Variants in SPATA13 observed in about 807,000 individuals in gnomAD.
The protein encoded by SPATA13 is spermatogenesis associated 13.
In SPATA13, 50 loss-of-function variants were observed where a neutral mutation model predicts 104.0. The observed-to-expected ratio is 0.48, with a 90% CI of 0.38 to 0.61. The LOEUF (loss-of-function observed/expected upper bound fraction) is 0.61. Among genes scored for constraint, SPATA13 ranks in the 20% least tolerant of loss-of-function variants. The pLI is 0.00. For missense variants in SPATA13, 1,524 were observed against 1,690.6 expected (o/e 0.90, Z 1.73); for synonymous variants, 606 against 667.5 (o/e 0.91, Z 1.42).
intron 1 of SPATA13, among the ~76,000 whole-genome samples, chr13:24,179,109 C>T (rs1868623876): frequency 6.6e-6 from 1 of 152,146 alleles, no homozygotes; most frequent in Non-Finnish European, 1.5e-5. Flanking sequence ...ATCAGTATTT[C>T]CTTTCTTTTC....
At chr13:24,214,137 C>T (rs1430025381) in intron 1 of SPATA13, among the ~76,000 whole-genome samples, 1 of 152,230 alleles carries the variant, frequency 6.6e-6, no homozygotes, top group Admixed American at 6.5e-5. Context: ...TTTGAGGCAG[C>T]AGGATGACTG....
rs534848376 is a variant in SPATA13, at chr13:24,223,347, T to G, written c.418T>G (p.Ser140Ala). ...AAATGCCTGTTCAAAGGGAGAGGCT[T>G]CGGAGCATGGCCTGGGAAAGTCCAT... ...GSNACSKGEA[S>A]EHGLGKSIPN... Residue 140 changes from serine to alanine, a missense_variant, in exon 2 of 13, where the codon TCG becomes GCG. Physicochemically the swap from Ser to Ala is moderately conservative, Grantham distance 99. This residue lies in a region of SPATA13 where 1,089 missense variants were observed against 1,135.9 expected (regional missense o/e 0.96). Transcript: ENST00000382108. The G allele has an allele frequency of 2.3e-4, 363 of 1,551,368 alleles. No homozygotes were observed. Among genetic ancestry groups the G allele is most frequent in the Non-Finnish European group, 3.0e-4 (348 of 1,146,978 alleles).
intron 1 of SPATA13, among the ~76,000 whole-genome samples, chr13:23,980,264 G>A (rs1279442860): frequency 6.6e-6 from 1 of 152,238 alleles, no homozygotes; most frequent in Admixed American, 6.5e-5. Flanking sequence ...CGGGGCAGTA[G>A]TTGCACAAAG....
intron 1 of SPATA13, among the ~76,000 whole-genome samples, chr13:24,202,935 G>C (rs1870503477): frequency 6.6e-6 from 1 of 152,020 alleles, no homozygotes; most frequent in African/African-American, 2.4e-5. Context: ...TTAGGAAACA[G>C]TATGTAATTC....
intron 3 of SPATA13, among the ~76,000 whole-genome samples, chr13:24,135,109 C>T (rs933223077): frequency 2.0e-5 from 3 of 152,130 alleles, no homozygotes; most frequent in Non-Finnish European, 2.9e-5. Flanking sequence ...GCCTTGATCT[C>T]GAACTTCTCA....
chr13:24,167,266 G>A (rs1423914627), intron 1 of SPATA13, among the ~76,000 whole-genome samples: 1 of 152,186 alleles, frequency 6.6e-6, no homozygotes, highest in South Asian at 2.1e-4. Flanking sequence ...AGGAGGAGGT[G>A]GTGGTGGCAC....
In SPATA13 at chr13:24,145,177, A is replaced by G. The variant is rs139060641; in HGVS notation, c.-111-77642A>G. On this transcript the variant is annotated intron_variant, in intron 3 of 14. Coordinates refer to the SPATA13 transcript ENST00000424834. Reference sequence around the variant, plus strand: ...GATGCTGGGGGTGTCAGAAAGAGACAGTGTGAAAGGCACTTGATTAAAATG... The same window carrying G: ...GATGCTGGGGGTGTCAGAAAGAGACGGTGTGAAAGGCACTTGATTAAAATG... Among the ~76,000 whole-genome samples, 119 of 152,330 alleles carry G rather than the reference A, an allele frequency of 7.8e-4. 1 individual carries two copies. In the East Asian group the frequency reaches 0.014, roughly 17 times the overall value.
chr13:24,149,682 ATGGGGGCGGGAAAGCTCCCACCCATG>A (rs1441716268), intron 3 of SPATA13, among the ~76,000 whole-genome samples: 2 of 152,304 alleles, frequency 1.3e-5, no homozygotes, highest in East Asian at 3.9e-4. Flanking sequence ...GAAATGGCTG[ATGGGGGCGGGAAAGCTCCCACCCATG>A]TGGGGAAGAA....
intron 2 of SPATA13, among the ~76,000 whole-genome samples, chr13:24,229,778 AT>A (rs991070115): frequency 2.0e-5 from 3 of 152,184 alleles, no homozygotes; most frequent in African/African-American, 7.2e-5. Flanking sequence ...CCCCAACCAA[AT>A]TTGTTGAACA....
chr13:24,222,870 G>A lies in SPATA13; in HGVS notation c.-60G>A, dbSNP rs1256862423. Reference sequence around the variant, plus strand: ...GCAAGGCAGGTGTGAGTGCCAGGACGGCATTCCTGGAGATGAAGGCCTGGA... The same window carrying A: ...GCAAGGCAGGTGTGAGTGCCAGGACAGCATTCCTGGAGATGAAGGCCTGGA... On this transcript the variant is annotated 5_prime_UTR_variant, in exon 2 of 13. Transcript: ENST00000382108. 5.8e-6 allele frequency: 9 copies of A among 1,543,648 alleles called. No individual in the cohort carries two copies. The highest frequency in any genetic ancestry group is 1.7e-4 in the Middle Eastern group (1 of 5,990).
chr13:24,015,690 G>A (rs1188700902), intron 2 of SPATA13, among the ~76,000 whole-genome samples: 1 of 152,032 alleles, frequency 6.6e-6, no homozygotes, highest in Admixed American at 6.6e-5. Context: ...GACCAGCCAG[G>A]ACACCCCCGG....
intron 3 of SPATA13, among the ~76,000 whole-genome samples, chr13:24,126,588 G>T (rs563568154): frequency 2.4e-4 from 36 of 152,120 alleles, no homozygotes; most frequent in Non-Finnish European, 3.5e-4. Flanking sequence ...ACAGAGACAG[G>T]TTCTGTCACT....
intron 3 of SPATA13, among the ~76,000 whole-genome samples, chr13:24,103,484 C>A (rs1380504317): frequency 4.4e-3 from 305 of 69,740 alleles, no homozygotes; most frequent in South Asian, 9.8e-3. Flanking sequence ...GACCCTGTCT[C>A]AAAAAAAAAA....
chr13:24,181,254 AATGTATTTAAT>A (rs1566136269), intron 1 of SPATA13, among the ~76,000 whole-genome samples: 1 of 152,162 alleles, frequency 6.6e-6, no homozygotes, highest in Non-Finnish European at 1.5e-5. Flanking sequence ...GTCCACTCTA[AATGTATTTAAT>A]ATATGTGCTG....
intron 3 of SPATA13, among the ~76,000 whole-genome samples, chr13:24,152,338 G>A (rs145397215): frequency 6.6e-6 from 1 of 152,310 alleles, no homozygotes; most frequent in East Asian, 1.9e-4. Context: ...TCTAGCACAA[G>A]GCACAGCCCC....
chr13:24,134,446 T>G (rs776788297), intron 3 of SPATA13, among the ~76,000 whole-genome samples: 3 of 152,196 alleles, frequency 2.0e-5, no homozygotes, highest in Non-Finnish European at 4.4e-5. Flanking sequence ...GGGGTGCGCC[T>G]GCTACATAGA....
intron 1 of SPATA13, among the ~76,000 whole-genome samples, chr13:24,212,105 G>A (rs953568265): frequency 6.6e-6 from 1 of 152,118 alleles, no homozygotes; most frequent in African/African-American, 2.4e-5. Context: ...CTCATAGGAA[G>A]TTCTTTCTTG....
rs1877506480 is a variant in SPATA13 at position 24,305,287 on chromosome 13, T to C, written c.*2514T>C. On this transcript the variant is annotated 3_prime_UTR_variant, in exon 13 of 13. Transcript: ENST00000382108. ...TAACAGAGACTTATGAATACCAGGA[T>C]GTGTTTTTGTTAAGTCAGGTTCAAT... 6.6e-6 allele frequency: 1 copy of C among 152,198 alleles called. No homozygotes were observed. Among genetic ancestry groups the C allele is most frequent in the South Asian group, 2.1e-4 (1 of 4,836 alleles). The allele number at this position is 152,198 out of a possible 1,614,324, so 9.4% of individuals were successfully genotyped here.
At chr13:24,062,571 G>C (rs1878808716) in intron 3 of SPATA13, among the ~76,000 whole-genome samples, 1 of 152,170 alleles carries the variant, frequency 6.6e-6, no homozygotes, top group Non-Finnish European at 1.5e-5. Context: ...TGGGGATCCG[G>C]TGACGAAGGA....
Sources: allele counts gnomAD v4.1 joint callset (sites outside exome capture counted in the v4.1 genomes callset), GRCh38; gene constraint gnomAD v4.1.1; regional missense constraint gnomAD v4.1.1; transcripts MANE v1.5; gene names NCBI Gene and HGNC (gene_info 2026-07-23, HGNC 2026-07-21).